The following DAB1 variants were observed in gnomAD, a reference collection of about 807,000 sequenced individuals.
DAB1 encodes disabled homolog 1.
In DAB1, 15 loss-of-function variants were observed where a neutral mutation model predicts 64.6. That is an observed-to-expected ratio of 0.23 (90% confidence interval 0.16 to 0.36). The LOEUF is 0.36. Among genes scored for constraint, DAB1 ranks in the 10% least tolerant of loss-of-function variants. The pLI, the probability that DAB1 is intolerant of heterozygous loss-of-function variation, is 1.00. For synonymous variants in DAB1, 235 were observed against 251.9 expected (o/e 0.93, Z 0.64); for missense variants, 596 against 706.7 (o/e 0.84, Z 1.78).
chr1:57,697,062 T>C (rs1284751697), intron 6 of DAB1, among the ~76,000 whole-genome samples: 1 of 152,196 alleles, frequency 6.6e-6, no homozygotes, highest in Non-Finnish European at 1.5e-5. Flanking sequence ...GTCAATCAAC[T>C]GTAGCACTTA....
chr1:57,353,789 TG>T (rs1276657558), intron 1 of DAB1, among the ~76,000 whole-genome samples: 1 of 152,152 alleles, frequency 6.6e-6, no homozygotes, highest in African/African-American at 2.4e-5. Flanking sequence ...AGATGAGGCC[TG>T]GGATGGATGA....
intron 4 of DAB1, among the ~76,000 whole-genome samples, chr1:58,239,938 T>A (rs1007544411): frequency 1.3e-5 from 2 of 152,184 alleles, no homozygotes; most frequent in Non-Finnish European, 2.9e-5. Context: ...TCCCTGCATT[T>A]CCCCATCATT....
chr1:57,980,639 T>C (rs1049184008), intron 5 of DAB1, among the ~76,000 whole-genome samples: 11 of 152,266 alleles, frequency 7.2e-5, no homozygotes, highest in Admixed American at 4.6e-4. Flanking sequence ...TCTGAAACTG[T>C]TAGTCTTGTA....
intron 4 of DAB1, among the ~76,000 whole-genome samples, chr1:58,211,238 T>C (rs1557697251): frequency 6.6e-6 from 1 of 152,148 alleles, no homozygotes; most frequent in Non-Finnish European, 1.5e-5. Flanking sequence ...TCTGACACAG[T>C]CATCTGTGTA....
intron 1 of DAB1, among the ~76,000 whole-genome samples, chr1:57,400,131 G>A (rs269053): frequency 0.038 from 5,770 of 152,186 alleles, 339 homozygotes; most frequent in African/African-American, 0.12. Flanking sequence ...GCAACGCAAA[G>A]GGCTTGTCCA....
At chr1:57,854,121 C>T (rs1447490086) in intron 1 of DAB1, among the ~76,000 whole-genome samples, 3 of 152,176 alleles carry the variant, frequency 2.0e-5, no homozygotes, top group Admixed American at 6.5e-5. Context: ...GATACTGGAA[C>T]TCTTAAGACT....
At chr1:57,010,814 T>C (rs745582673) in intron 13 of DAB1, 24 bp from the exon 14 acceptor site, 1 of 1,490,626 alleles carries the variant, frequency 6.7e-7, no homozygotes, top group Non-Finnish European at 9.0e-7. Context: ...AGATAATACT[T>C]TTTTTTTTCT....
chr1:58,541,293 C>CAAAAAAAAAAAAAAAAAAAAAAAA (rs71043292), intron 1 of DAB1, among the ~76,000 whole-genome samples: 1 of 27,572 alleles, frequency 3.6e-5, no homozygotes, highest in African/African-American at 1.1e-4. Context: ...GACTCTGTCT[C>CAAAAAAAAAAAAAAAAAAAAAAAA]AAAAAAAAAA....
At chr1:57,934,758 C>T (rs1304319338) in intron 5 of DAB1, among the ~76,000 whole-genome samples, 2 of 152,150 alleles carry the variant, frequency 1.3e-5, no homozygotes, top group South Asian at 2.1e-4. Flanking sequence ...ACTTCCTCAC[C>T]GCGCAGTAGG....
chr1:57,149,694 T>A (rs1045436869), intron 2 of DAB1, among the ~76,000 whole-genome samples: 1 of 152,168 alleles, frequency 6.6e-6, no homozygotes, highest in Non-Finnish European at 1.5e-5. Flanking sequence ...TGTGTAAAAT[T>A]TCATGGTCTT....
chr1:57,735,558 A>G (rs1647644659), intron 6 of DAB1, among the ~76,000 whole-genome samples: 1 of 148,716 alleles, frequency 6.7e-6, no homozygotes, highest in Non-Finnish European at 1.5e-5. Context: ...GAGACAAAAG[A>G]GTGAATCCAC....
chr1:57,615,998 C>T (rs1645787049), intron 7 of DAB1, among the ~76,000 whole-genome samples: 1 of 152,138 alleles, frequency 6.6e-6, no homozygotes, highest in Non-Finnish European at 1.5e-5. Context: ...AGGGTACTAA[C>T]TGCTGCTATC....
In DAB1 at chr1:57,025,702, C is replaced by A. The variant is rs978129763; in HGVS notation, c.786+279G>T. Among the ~76,000 whole-genome samples the A allele has an allele frequency of 2.6e-5, 4 of 152,344 alleles. No homozygotes were observed. The East Asian group carries it at 7.7e-4, about 29-fold the overall frequency. ...TCGGGCCTTTCTTCTCAGACCACAG[C>A]AGAACAGCAAGCACCCAGGCAAGTC... On this transcript the variant is annotated intron_variant, in intron 10 of 14. Coordinates refer to ENST00000371236, the MANE Select transcript of DAB1 (RefSeq NM_001365792.1).
At chr1:57,149,075 C>T (rs778126960) in intron 2 of DAB1, among the ~76,000 whole-genome samples, 35 of 152,270 alleles carry the variant, frequency 2.3e-4, no homozygotes, top group Admixed American at 5.2e-4. Context: ...CTATTCTAGA[C>T]ATTTATATAA....
At chr1:58,443,667 C>T (rs1405962835) in intron 3 of DAB1, among the ~76,000 whole-genome samples, 4 of 152,156 alleles carry the variant, frequency 2.6e-5, no homozygotes, top group African/African-American at 7.2e-5. Context: ...ACTATTTTTG[C>T]AATCTTTCTG....
At chr1:57,606,514 T>TATATATAATATATAATATATATGAA in intron 7 of DAB1, among the ~76,000 whole-genome samples, 1 of 72,008 alleles carries the variant, frequency 1.4e-5, no homozygotes, top group Middle Eastern at 5.1e-3. Flanking sequence ...TATAATATAA[T>TATATATAATATATAATATATATGAA]ATATATAATA....
intron 2 of DAB1, among the ~76,000 whole-genome samples, chr1:57,289,512 G>A: frequency 6.6e-6 from 1 of 152,036 alleles, no homozygotes; most frequent in East Asian, 1.9e-4. Flanking sequence ...TTAATTTTTA[G>A]GGAACAAAAT....
At chr1:58,412,522 C>T (rs922638932) in intron 3 of DAB1, among the ~76,000 whole-genome samples, 4 of 152,200 alleles carry the variant, frequency 2.6e-5, no homozygotes, top group African/African-American at 4.8e-5. Context: ...GGCCTCCGCC[C>T]GCCCACCACA....
intron 6 of DAB1, among the ~76,000 whole-genome samples, chr1:57,732,637 C>T (rs951079028): frequency 6.6e-6 from 1 of 152,172 alleles, no homozygotes; most frequent in Non-Finnish European, 1.5e-5. Context: ...TCCATCATCA[C>T]CTGTGTGTCA....
Sources: allele counts gnomAD v4.1 joint callset (sites outside exome capture counted in the v4.1 genomes callset), GRCh38; gene constraint gnomAD v4.1.1; transcripts MANE v1.5; gene names NCBI Gene and HGNC (gene_info 2026-07-23, HGNC 2026-07-21).